Variants in VSTM2A observed in about 807,000 individuals in gnomAD.
The protein encoded by VSTM2A is V-set and transmembrane domain containing 2A.
In VSTM2A, 13 loss-of-function variants were observed where a neutral mutation model predicts 27.3. The observed-to-expected ratio is 0.48, with a 90% CI of 0.31 to 0.76. The LOEUF (loss-of-function observed/expected upper bound fraction) is 0.76, where lower values mean the gene tolerates loss of function less well. VSTM2A is among the 30% of genes least tolerant of loss of function. The pLI, the probability that VSTM2A is intolerant of heterozygous loss-of-function variation, is 0.05. For synonymous variants in VSTM2A, 142 were observed against 125.7 expected (o/e 1.13, Z -0.87); for missense variants, 280 against 310.0 (o/e 0.90, Z 0.73).
In VSTM2A at chr7:54,554,089, C is replaced by T. The variant is rs200597138; in HGVS notation, c.634+3919C>T. The T allele has an allele frequency of 5.5e-5, 85 of 1,550,940 alleles. No individual in the cohort carries two copies. The African/African-American group carries it at 1.0e-3, about 18-fold the overall frequency. On this transcript the variant is annotated intron_variant, in intron 4 of 4. Transcript: ENST00000402613. ...GCTCCTCCAGGTAAATTGCCCAGGT[C>T]GCTCGCACTCCCAAAGCTGTCATGC...
chr7:54,568,896 C>G (rs1788805885), intron 4 of VSTM2A: 1 of 1,190,092 alleles, frequency 8.4e-7, no homozygotes, highest in Non-Finnish European at 1.2e-6. Flanking sequence ...TCATGAGCAC[C>G]AGAGCCAAGC....
In VSTM2A at chr7:54,550,150, C is replaced by A; in HGVS notation, c.614C>A (p.Pro205His). ...AGCCCTCAAGTGGTAGCCAAAATCC[C>A]CAAACAAAGTCCACAATCAGGTATG... ...TSSPQVVAKIPKQSPQSAKSK... is the reference protein window; with the variant it reads ...TSSPQVVAKIHKQSPQSAKSK... The change falls in exon 4 of 5, where the codon CCC becomes CAC. Residue 205 changes from proline (P) to histidine (H), a missense_variant. Coordinates refer to ENST00000402613, the MANE Select transcript of VSTM2A (RefSeq NM_001301009.2). 6.2e-7 allele frequency: 1 copy of A among 1,600,982 alleles called. No homozygotes were observed. The highest frequency in any genetic ancestry group is 2.3e-5 in the East Asian group (1 of 44,144).
chr7:54,563,947 T>C (rs1788641811), intron 4 of VSTM2A, among the ~76,000 whole-genome samples: 1 of 152,240 alleles, frequency 6.6e-6, no homozygotes, highest in African/African-American at 2.4e-5. Flanking sequence ...AAAATCATTC[T>C]ATTATTTGAC....
At chr7:54,544,307 ATGT>A (rs1787872656) in intron 1 of VSTM2A, among the ~76,000 whole-genome samples, 1 of 152,228 alleles carries the variant, frequency 6.6e-6, no homozygotes, top group South Asian at 2.1e-4. Flanking sequence ...CTCTCAGTAA[ATGT>A]TGTGGAATAC....
rs1196531489 is a variant in VSTM2A at position 54,570,068 on chromosome 7, C to G, written c.*849C>G. The G allele has an allele frequency of 6.6e-6, 1 of 152,130 alleles. No homozygotes were observed. 9.4% of individuals were successfully genotyped at this position (152,130 alleles called of 1,614,324 possible). A position where few individuals can be genotyped will look rare whatever the true frequency, so the allele number is the denominator to read the frequency against. On this transcript the variant is annotated 3_prime_UTR_variant, in exon 5 of 5. Coordinates refer to ENST00000402613, the MANE Select transcript of VSTM2A (RefSeq NM_001301009.2). ...CAGGTTTGACAGCTGCAGATGGTCT[C>G]TATTGTCCTCTGCTTCATTCTGGAA... is the stretch of plus-strand genomic sequence containing the variant.
chr7:54,557,078 A>G (rs1034619327), intron 4 of VSTM2A: 2 of 152,258 alleles, frequency 1.3e-5, no homozygotes, highest in Non-Finnish European at 2.9e-5. Flanking sequence ...ACCCTAAAAG[A>G]GCAAGAAAGG....
In VSTM2A at chr7:54,550,159, G is replaced by T; in HGVS notation, c.623G>T (p.Ser208Ile). 1 of 1,598,438 alleles carries T rather than the reference G, an allele frequency of 6.3e-7. No homozygotes were observed. The highest frequency in any genetic ancestry group is 8.5e-7 in the Non-Finnish European group (1 of 1,172,696). Residue 208 changes from serine to isoleucine, a missense_variant, in exon 4 of 5, where the codon AGT (serine) becomes ATT (isoleucine). Coordinates refer to ENST00000402613, the MANE Select transcript of VSTM2A (RefSeq NM_001301009.2). ...PQVVAKIPKQ[S>I]PQSAKSKSPV... ...GTGGTAGCCAAAATCCCCAAACAAA[G>T]TCCACAATCAGGTATGGAAACCCAT...
intron 4 of VSTM2A, chr7:54,550,874 T>A (rs1040171341): frequency 6.6e-6 from 1 of 152,472 alleles, no homozygotes. Flanking sequence ...TTAACCTTGA[T>A]GTGGGATAAA....
chr7:54,561,323 T>C (rs1788555174), intron 4 of VSTM2A, among the ~76,000 whole-genome samples: 1 of 152,158 alleles, frequency 6.6e-6, no homozygotes, highest in African/African-American at 2.4e-5. Flanking sequence ...GCAAAACACT[T>C]CTGAGGATAA....
chr7:54,558,959 T>C (rs1169979496), intron 4 of VSTM2A: 1 of 152,058 alleles, frequency 6.6e-6, no homozygotes, highest in Non-Finnish European at 1.5e-5. Context: ...AATATGTAAC[T>C]AAAAAGTAAA....
At chr7:54,550,704 T>A in intron 4 of VSTM2A, 1 of 156,734 alleles carries the variant, frequency 6.4e-6, no homozygotes, top group South Asian at 2.0e-4. Flanking sequence ...GATTGAAGAC[T>A]GTAAGTGGTG....
intron 4 of VSTM2A, chr7:54,556,865 T>A (rs1788377696): frequency 6.6e-6 from 1 of 152,224 alleles, no homozygotes; most frequent in South Asian, 2.1e-4. Context: ...ACTGGCCACA[T>A]GAAGGCTTGC....
rs758206285 is a variant in VSTM2A at position 54,546,945 on chromosome 7, A to G, written c.247-2A>G. 6.3e-7 allele frequency: 1 copy of G among 1,598,070 alleles called. No homozygotes were observed. The highest frequency in any genetic ancestry group is 8.5e-7 in the Non-Finnish European group (1 of 1,174,412). ...GACTGAGCGTTCGCTCCTTGCCCGC[A>G]GGTGGAGCTCTTGCCCGACAGAGAC... On this transcript the variant is annotated splice_acceptor_variant, in intron 2 of 4. Transcript: ENST00000402613. LOFTEE classifies it high-confidence loss of function.
At position 54,546,957 on chromosome 7, in the gene VSTM2A, T is replaced by G; in HGVS notation, c.257T>G (p.Leu86Trp). 1.9e-6 allele frequency: 3 copies of G among 1,597,398 alleles called. No individual in the cohort carries two copies. The highest frequency in any genetic ancestry group is 2.6e-6 in the Non-Finnish European group (3 of 1,174,040). Residue 86 changes from leucine (L) to tryptophan (W), a missense_variant, in exon 3 of 5, where the codon TTG becomes TGG. Coordinates refer to ENST00000402613, the MANE Select transcript of VSTM2A (RefSeq NM_001301009.2). ...GCTCCTTGCCCGCAGGTGGAGCTCTTGCCCGACAGAGACCCGGACAGCGAC... is the reference window on the plus strand; with the variant it reads ...GCTCCTTGCCCGCAGGTGGAGCTCTGGCCCGACAGAGACCCGGACAGCGAC... ...AEGAGAQVEL[L>W]PDRDPDSDGT...
intron 4 of VSTM2A, chr7:54,551,445 T>C (rs1350900458): frequency 1.3e-5 from 2 of 152,162 alleles, no homozygotes; most frequent in Non-Finnish European, 2.9e-5. Flanking sequence ...TGGCATGCCT[T>C]GGTCATTGCA....
Position 54,569,166 on chromosome 7 carries a change from A to G in VSTM2A, c.670A>G (p.Thr224Ala). The G allele has an allele frequency of 6.4e-7, 1 of 1,552,660 alleles. No homozygotes were observed. Among genetic ancestry groups the G allele is most frequent in the Non-Finnish European group, 8.7e-7 (1 of 1,147,324 alleles). Residue 224 changes from threonine to alanine, a missense_variant, in exon 5 of 5, where the codon ACA (threonine) becomes GCA (alanine). By Grantham distance (58) the Thr-to-Ala change is moderately conservative. Transcript: ENST00000402613. ...SKSPVKSTER[T>A]AKLTLNSKHH... ...ATCGCCTGTAAAATCTACGGAGCGG[A>G]CAGCAAAGTTGACCCTAAACTCCAA...
At chr7:54,552,794 A>G (rs1352383099) in intron 4 of VSTM2A, among the ~76,000 whole-genome samples, 2 of 152,234 alleles carry the variant, frequency 1.3e-5, no homozygotes, top group African/African-American at 4.8e-5. Context: ...CTAGCCTTTT[A>G]TCTTTTATTG....
chr7:54,567,491 C>T (rs1245579079), intron 4 of VSTM2A, among the ~76,000 whole-genome samples: 1 of 152,078 alleles, frequency 6.6e-6, no homozygotes, highest in Non-Finnish European at 1.5e-5. Flanking sequence ...TCTCAATGGG[C>T]TAATGGGGTC....
intron 4 of VSTM2A, among the ~76,000 whole-genome samples, chr7:54,567,636 A>G (rs781256947): frequency 6.6e-6 from 1 of 152,258 alleles, no homozygotes; most frequent in African/African-American, 2.4e-5. Flanking sequence ...CATTTTAAAT[A>G]GTGAATTATT....
Sources: gnomAD v4.1 joint callset for allele counts (sites outside exome capture counted in the v4.1 genomes callset) on GRCh38, gnomAD v4.1.1 for gene constraint, MANE v1.5 for transcripts, NCBI Gene and HGNC (gene_info 2026-07-23, HGNC 2026-07-21) for gene names.